DSEL: variants seen among roughly 807,000 people sequenced by gnomAD.
DSEL encodes the protein dermatan sulfate epimerase like.
DSEL carries 61 observed loss-of-function variants against 96.6 expected under a neutral mutation model. The ratio of observed to expected loss-of-function variants is 0.63; its 90% CI spans 0.51 to 0.78. The LOEUF is 0.78. Among genes scored for constraint, DSEL ranks in the 30% least tolerant of loss-of-function variants. DSEL has a pLI of 0.00. For missense variants in DSEL, 1,320 were observed against 1,430.8 expected (o/e 0.92, Z 1.25); for synonymous variants, 514 against 502.0 (o/e 1.02, Z -0.32).
chr18:67,514,939 A>G lies in DSEL; in HGVS notation c.-331T>C, dbSNP rs2089467167. 1 of 332,746 alleles carries G rather than the reference A, an allele frequency of 3.0e-6. No individual in the cohort carries two copies. The highest frequency in any genetic ancestry group is 5.3e-5 in the East Asian group (1 of 19,034). 20.6% of individuals were successfully genotyped at this position (332,746 alleles called of 1,614,324 possible). A position where few individuals can be genotyped will look rare whatever the true frequency, so the allele number is the denominator to read the frequency against. ...AATTTAGCATTTACCTCCTTTACTTAAATCTATTTAACACAAAGAGTTGGA... is the reference window on the plus strand; with the variant it reads ...AATTTAGCATTTACCTCCTTTACTTGAATCTATTTAACACAAAGAGTTGGA... On this transcript the variant is annotated 5_prime_UTR_variant, in exon 2 of 2. Coordinates refer to ENST00000310045, the MANE Select transcript of DSEL (RefSeq NM_032160.3).
Position 67,509,053 on chromosome 18 carries a change from T to C in DSEL, c.*1917A>G, listed in dbSNP as rs944638486. On this transcript the variant is annotated 3_prime_UTR_variant, in exon 2 of 2. Coordinates refer to ENST00000310045, the MANE Select transcript of DSEL (RefSeq NM_032160.3). ...CCGGCCGCCAACAGGTACATTTCTG[T>C]ATTGTCTGTACAATGTTAAAATAAA... 5 of 152,430 alleles carry C rather than the reference T, an allele frequency of 3.3e-5. No homozygotes were observed. Among genetic ancestry groups the C allele is most frequent in the African/African-American group, 1.2e-4 (5 of 41,582 alleles). The allele number at this position is 152,430 out of a possible 1,614,324, so 9.4% of individuals were successfully genotyped here.
Position 67,511,233 on chromosome 18 carries a change from T to C in DSEL, c.3376A>G (p.Lys1126Glu). ...GGAAAATGCACAATATCTTCAAACTTGACCAGCTGGTAGCTAGTAGGCAGC... is the reference window on the plus strand; with the variant it reads ...GGAAAATGCACAATATCTTCAAACTCGACCAGCTGGTAGCTAGTAGGCAGC... ...DLLPTSYQLVKFEDIVHFPQK... is the reference protein window; with the variant it reads ...DLLPTSYQLVEFEDIVHFPQK... The change falls in exon 2 of 2, where the codon AAG becomes GAG. Residue 1126 changes from lysine to glutamate, a missense_variant. By Grantham distance (56) the Lys-to-Glu change is moderately conservative (BLOSUM62 1). This residue lies in a region of DSEL where 986 missense variants were observed against 1,066.4 expected (regional missense o/e 0.92). Transcript: ENST00000310045. The C allele has an allele frequency of 1.9e-6, 3 of 1,613,624 alleles. No homozygotes were observed. The highest frequency in any genetic ancestry group is 2.5e-6 in the Non-Finnish European group (3 of 1,180,018).
In DSEL at chr18:67,508,783, G is replaced by T. The variant is rs1263371000; in HGVS notation, c.*2187C>A. The T allele has an allele frequency of 7.0e-6, 1 of 142,328 alleles. No homozygotes were observed. The highest frequency in any genetic ancestry group is 1.5e-5 in the Non-Finnish European group (1 of 66,598). The allele number at this position is 142,328 out of a possible 1,614,324, so 8.8% of individuals were successfully genotyped here. ...CTCGCTCTGTCGCCCAGGCTGGAGT[G>T]CAGTGGCGCATCTCCACTCACTGCA... On this transcript the variant is annotated 3_prime_UTR_variant, in exon 2 of 2. Transcript: ENST00000310045.
At position 67,512,541 on chromosome 18, in the gene DSEL, A is replaced by G. The variant is rs770748346; in HGVS notation, c.2068T>C (p.Ser690Pro). The change falls in exon 2 of 2, where the codon TCC (serine) becomes CCC (proline). Residue 690 changes from serine to proline, a missense_variant. Ser to Pro is a moderately conservative substitution (Grantham distance 74, BLOSUM62 -1). Coordinates refer to ENST00000310045, the MANE Select transcript of DSEL (RefSeq NM_032160.3). ...YVFYGPYINVSSCRFIDSSNP... is the reference protein window; with the variant it reads ...YVFYGPYINVPSCRFIDSSNP... The stretch of plus-strand genomic sequence containing the variant: ...GAACTATCAATAAATCTGCAGCTGG[A>G]GACATTGATATATGGCCCATAAAAG... The G allele has an allele frequency of 6.2e-7, 1 of 1,614,166 alleles. No homozygotes were observed. The highest frequency in any genetic ancestry group is 8.5e-7 in the Non-Finnish European group (1 of 1,179,996).
rs1183215224 is a variant in DSEL at position 67,509,430 on chromosome 18, G to A, written c.*1540C>T. On this transcript the variant is annotated 3_prime_UTR_variant, in exon 2 of 2. Transcript: ENST00000310045. The stretch of plus-strand genomic sequence containing the variant: ...GAATTTCATTCATTTTGAAATTACA[G>A]AGGGACAATCATGAGAGATATGGGA... 1 of 152,082 alleles carries A rather than the reference G, an allele frequency of 6.6e-6. No individual in the cohort carries two copies. Among genetic ancestry groups the A allele is most frequent in the Non-Finnish European group, 1.5e-5 (1 of 68,030 alleles). 9.4% of individuals were successfully genotyped at this position (152,082 alleles called of 1,614,324 possible). A position where few individuals can be genotyped will look rare whatever the true frequency, so the allele number is the denominator to read the frequency against.
In DSEL at chr18:67,511,913, G is replaced by C; in HGVS notation, c.2696C>G (p.Ser899Ter). 6.2e-7 allele frequency: 1 copy of C among 1,614,090 alleles called. No individual in the cohort carries two copies. Among genetic ancestry groups the C allele is most frequent in the Non-Finnish European group, 8.5e-7 (1 of 1,180,010 alleles). ...CTTCCATTCACAAGCATCTACAAAT[G>C]AGTCGATTTCCAACTCAGTTTCAGG... ...DIPETELEID[S>*]FVDACEWKVS... The change falls in exon 2 of 2, where the codon TCA becomes TGA. Residue 899 changes from serine (S) to a stop codon, truncating the protein, a stop_gained. Coordinates refer to ENST00000310045, the MANE Select transcript of DSEL (RefSeq NM_032160.3). LOFTEE classifies it high-confidence loss of function.
In DSEL at chr18:67,507,761, A is replaced by C. The variant is rs1451479783; in HGVS notation, c.*3209T>G. The C allele has an allele frequency of 6.6e-6, 1 of 152,222 alleles. No homozygotes were observed. Among genetic ancestry groups the C allele is most frequent in the Non-Finnish European group, 1.5e-5 (1 of 68,038 alleles). 9.4% of individuals were successfully genotyped at this position (152,222 alleles called of 1,614,324 possible). A position where few individuals can be genotyped will look rare whatever the true frequency, so the allele number is the denominator to read the frequency against. On this transcript the variant is annotated 3_prime_UTR_variant, in exon 2 of 2. Coordinates refer to ENST00000310045, the MANE Select transcript of DSEL (RefSeq NM_032160.3). ...ATGTAAAAGGACAATCAAATGTCTAATATTTTGGTGTCCACACCTAAACGT... is the reference window on the plus strand; with the variant it reads ...ATGTAAAAGGACAATCAAATGTCTACTATTTTGGTGTCCACACCTAAACGT...
In DSEL at chr18:67,510,743, C is replaced by T. The variant is rs2089436658; in HGVS notation, c.*227G>A. 1 of 477,370 alleles carries T rather than the reference C, an allele frequency of 2.1e-6. No individual in the cohort carries two copies. The highest frequency in any genetic ancestry group is 3.6e-6 in the Non-Finnish European group (1 of 274,322). The allele number at this position is 477,370 out of a possible 1,614,324, so 29.6% of individuals were successfully genotyped here. ...TCTGTAGCAGAAACTTTTTAGCAGA[C>T]AAAATTTTCAGAAACAAAGGCAAGG... is the stretch of plus-strand genomic sequence containing the variant. On this transcript the variant is annotated 3_prime_UTR_variant, in exon 2 of 2. Coordinates refer to ENST00000310045, the MANE Select transcript of DSEL (RefSeq NM_032160.3).
rs1029953039 is a variant in DSEL at position 67,507,598 on chromosome 18, A to C, written c.*3372T>G. ...TGATGTACAGAAATCGTTGCTGAAC[A>C]ATTATGCCAACCAAAAGTAAGTGGT... On this transcript the variant is annotated 3_prime_UTR_variant, in exon 2 of 2. Transcript: ENST00000310045. 3.9e-5 allele frequency: 6 copies of C among 152,338 alleles called. No homozygotes were observed. In the East Asian group the frequency reaches 1.2e-3, roughly 29 times the overall value. 9.4% of individuals were successfully genotyped at this position (152,338 alleles called of 1,614,324 possible). A position where few individuals can be genotyped will look rare whatever the true frequency, so the allele number is the denominator to read the frequency against.
chr18:67,514,060 A>C lies in DSEL; in HGVS notation c.549T>G (p.Phe183Leu). Reference sequence around the variant, plus strand: ...GATGATTATCTAATAAGTTATATAAAAAGTCAAAGGCAGTGGCAAAACCTG... The same window carrying C: ...GATGATTATCTAATAAGTTATATAACAAGTCAAAGGCAGTGGCAAAACCTG... ...SLTGFATAFDFLYNLLDNHRR... is the reference protein window; with the variant it reads ...SLTGFATAFDLLYNLLDNHRR... Residue 183 changes from phenylalanine (F) to leucine (L), a missense_variant, in exon 2 of 2, where the codon TTT becomes TTG. This residue lies in a region of DSEL where 323 missense variants were observed against 333.1 expected (regional missense o/e 0.97). Transcript: ENST00000310045. The C allele has an allele frequency of 1.9e-6, 3 of 1,614,158 alleles. No individual in the cohort carries two copies. Among genetic ancestry groups the C allele is most frequent in the Non-Finnish European group, 2.5e-6 (3 of 1,180,030 alleles).
chr18:67,510,063 G>T lies in DSEL; in HGVS notation c.*907C>A, dbSNP rs1254125794. The stretch of plus-strand genomic sequence containing the variant: ...GAAAAATAAATTTGATTCTAAGTCT[G>T]TGTCAGTCTTTAACGCAAAATTAAT... On this transcript the variant is annotated 3_prime_UTR_variant, in exon 2 of 2. Coordinates refer to ENST00000310045, the MANE Select transcript of DSEL (RefSeq NM_032160.3). 1 of 152,362 alleles carries T rather than the reference G, an allele frequency of 6.6e-6. No individual in the cohort carries two copies. The highest frequency in any genetic ancestry group is 1.5e-5 in the Non-Finnish European group (1 of 68,038). 9.4% of individuals were successfully genotyped at this position (152,362 alleles called of 1,614,324 possible).
At position 67,510,928 on chromosome 18, in the gene DSEL, TG is replaced by T. The variant is rs2089437938; in HGVS notation, c.*41del. The T allele has an allele frequency of 4.0e-6, 6 of 1,491,592 alleles. No individual in the cohort carries two copies. The highest frequency in any genetic ancestry group is 2.8e-5 in the African/African-American group (2 of 71,130). The allele number at this position is 1,491,592 out of a possible 1,614,324, so 92.4% of individuals were successfully genotyped here. On this transcript the variant is annotated 3_prime_UTR_variant, in exon 2 of 2. Coordinates refer to ENST00000310045, the MANE Select transcript of DSEL (RefSeq NM_032160.3). ...TCTGATTCATATCCACAAAGTGGGT[TG>T]GTAAGTATTATTAGTGCAAATTTCT...
rs1473791798 is a variant in DSEL at position 67,516,036 on chromosome 18, G to A, written c.-885+325C>T. Reference sequence around the variant, plus strand: ...ACCGCGAATCGTGACCAGGCGCCAAGCCGAGGGGCGGGAGCTCCGCGCTCG... The same window carrying A: ...ACCGCGAATCGTGACCAGGCGCCAAACCGAGGGGCGGGAGCTCCGCGCTCG... On this transcript the variant is annotated intron_variant, in intron 1 of 1. Transcript: ENST00000310045. The surrounding 1 kb of genome is among the most constrained non-coding windows in gnomAD (Gnocchi z 5.6). Among the ~76,000 whole-genome samples the A allele has an allele frequency of 1.3e-5, 2 of 151,986 alleles. No individual in the cohort carries two copies. The highest frequency in any genetic ancestry group is 1.9e-4 in the East Asian group (1 of 5,144).
At position 67,510,036 on chromosome 18, in the gene DSEL, C is replaced by A. The variant is rs2089432553; in HGVS notation, c.*934G>T. On this transcript the variant is annotated 3_prime_UTR_variant, in exon 2 of 2. Transcript: ENST00000310045. ...ACTTTGAGTCACAGAGTGTTAATTC[C>A]AGAAAAATAAATTTGATTCTAAGTC... is the stretch of plus-strand genomic sequence containing the variant. The A allele has an allele frequency of 6.6e-6, 1 of 152,434 alleles. No individual in the cohort carries two copies. The highest frequency in any genetic ancestry group is 1.5e-5 in the Non-Finnish European group (1 of 67,992). The allele number at this position is 152,434 out of a possible 1,614,324, so 9.4% of individuals were successfully genotyped here.
Position 67,514,928 on chromosome 18 carries a change from C to G in DSEL, c.-320G>C, listed in dbSNP as rs2089467116. The stretch of plus-strand genomic sequence containing the variant: ...AAAACACTATGAATTTAGCATTTAC[C>G]TCCTTTACTTAAATCTATTTAACAC... On this transcript the variant is annotated 5_prime_UTR_variant, in exon 2 of 2. Coordinates refer to ENST00000310045, the MANE Select transcript of DSEL (RefSeq NM_032160.3). 1 of 361,852 alleles carries G rather than the reference C, an allele frequency of 2.8e-6. No individual in the cohort carries two copies. The highest frequency in any genetic ancestry group is 5.2e-6 in the Non-Finnish European group (1 of 193,702). The allele number at this position is 361,852 out of a possible 1,614,324, so 22.4% of individuals were successfully genotyped here. A position where few individuals can be genotyped will look rare whatever the true frequency, so the allele number is the denominator to read the frequency against.
rs1380298556 is a variant in DSEL, at chr18:67,506,854, G to A, written c.*4116C>T. On this transcript the variant is annotated 3_prime_UTR_variant, in exon 2 of 2. Transcript: ENST00000310045. ...GCTCAAACATCTCAAGTGTTTCAGA[G>A]AATGTTAGAATCTATTGTTTGAAGT... 1 of 152,168 alleles carries A rather than the reference G, an allele frequency of 6.6e-6. No individual in the cohort carries two copies. The highest frequency in any genetic ancestry group is 1.5e-5 in the Non-Finnish European group (1 of 68,034). The allele number at this position is 152,168 out of a possible 1,614,324, so 9.4% of individuals were successfully genotyped here. A position where few individuals can be genotyped will look rare whatever the true frequency, so the allele number is the denominator to read the frequency against.
chr18:67,513,905 C>G lies in DSEL; in HGVS notation c.704G>C (p.Gly235Ala). 6.2e-7 allele frequency: 1 copy of G among 1,614,128 alleles called. No homozygotes were observed. Among genetic ancestry groups the G allele is most frequent in the East Asian group, 2.2e-5 (1 of 44,882 alleles). The change falls in exon 2 of 2, where the codon GGG (glycine) becomes GCG (alanine). Residue 235 changes from glycine to alanine, a missense_variant. By Grantham distance (60) the Gly-to-Ala change is moderately conservative. This residue lies in a region of DSEL where 323 missense variants were observed against 333.1 expected (regional missense o/e 0.97). Transcript: ENST00000310045. Reference protein sequence around the residue: ...QATNMIALLTGALVTGVDKGS... With the variant: ...QATNMIALLTAALVTGVDKGS... Reference sequence around the variant, plus strand: ...TTTATCTACTCCAGTCACCAAGGCCCCTGTGAGTAATGCTATCATATTAGT... The same window carrying G: ...TTTATCTACTCCAGTCACCAAGGCCGCTGTGAGTAATGCTATCATATTAGT...
Position 67,513,751 on chromosome 18 carries a change from G to A in DSEL, c.858C>T (p.Ser286=), listed in dbSNP as rs1035840596. ...GGGCCAGAAAAACATACTGTGTGAC[G>A]GATTTAGCTGTGTAGCTTCCATAGG... The part of the protein sequence containing the change: ...GVAYGSYTAK[S]VTQYVFLAQR... The change falls in exon 2 of 2, where the codon TCC becomes TCT. Residue 286 remains serine, a synonymous_variant. Coordinates refer to ENST00000310045, the MANE Select transcript of DSEL (RefSeq NM_032160.3). 1.5e-5 allele frequency: 24 copies of A among 1,614,126 alleles called. No individual in the cohort carries two copies. Among genetic ancestry groups the A allele is most frequent in the African/African-American group, 2.7e-5 (2 of 75,032 alleles).
chr18:67,513,742 CTG>C lies in DSEL; in HGVS notation c.865_866del (p.Gln289ValfsTer10). On this transcript the variant is annotated frameshift_variant, in exon 2 of 2. Coordinates refer to ENST00000310045, the MANE Select transcript of DSEL (RefSeq NM_032160.3). LOFTEE classifies it high-confidence loss of function. ...AATGGCGCTGGGCCAGAAAAACATACTGTGTGACGGATTTAGCTGTGTAGCTT... is the reference window on the plus strand; with the variant it reads ...AATGGCGCTGGGCCAGAAAAACATACTGTGACGGATTTAGCTGTGTAGCTT... ...YGSYTAKSVT[Q>X]YVFLAQRHFN... The C allele has an allele frequency of 6.2e-7, 1 of 1,614,208 alleles. No individual in the cohort carries two copies. Among genetic ancestry groups the C allele is most frequent in the Non-Finnish European group, 8.5e-7 (1 of 1,180,042 alleles).
Sources: gnomAD v4.1 joint callset for allele counts (sites outside exome capture counted in the v4.1 genomes callset) on GRCh38, gnomAD v4.1.1 for gene constraint, gnomAD v4.1.1 regional missense constraint, Gnocchi (gnomAD v3.1) non-coding constraint, MANE v1.5 for transcripts, NCBI Gene and HGNC (gene_info 2026-07-23, HGNC 2026-07-21) for gene names.